The following ABCG5 variants were observed in gnomAD, a reference collection of about 807,000 sequenced individuals.
ABCG5 encodes the protein ATP binding cassette subfamily G member 5.
Under a neutral mutation model 64.5 loss-of-function variants are expected in ABCG5, and 64 were observed. The observed-to-expected ratio is 0.99, with a 90% confidence interval of 0.81 to 1.22. ABCG5 has a LOEUF of 1.22. Ranked by LOEUF, ABCG5 falls within the 50% of genes most tolerant of loss-of-function variation. ABCG5 has a pLI of 0.00. For synonymous variants in ABCG5, 385 were observed against 326.3 expected, an observed-to-expected ratio of 1.18 and a Z score of -1.94; for missense variants, 908 against 829.5, an observed-to-expected ratio of 1.09 and a Z score of -1.16.
chr2:43,824,721 T>A (rs532127681), intron 7 of ABCG5, 168 bp downstream of exon 7: 3 of 924,172 alleles, frequency 3.2e-6, no homozygotes, highest in South Asian at 5.0e-5. Context: ...ATTCTGATAG[T>A]CATCTCTGGC....
rs188503993 is a variant in ABCG5, at chr2:43,830,152, A to G, written c.501+1617T>C. ...CCTGGCTTGGAAGAGATGGACAGAG[A>G]AGACATTTACTTAATTTGTCTCAGA... On this transcript the variant is annotated intron_variant, in intron 4 of 12. Coordinates refer to ENST00000405322, the MANE Select transcript of ABCG5 (RefSeq NM_022436.3). Among the ~76,000 whole-genome samples, 484 of 152,226 alleles carry G rather than the reference A, an allele frequency of 3.2e-3. 7 individuals are homozygous for G. Among genetic ancestry groups the G allele is most frequent in the Non-Finnish European group, 7.5e-4 (51 of 68,014 alleles).
chr2:43,832,459 G>C, intron 2 of ABCG5: 1 of 323,598 alleles, frequency 3.1e-6, no homozygotes, highest in Non-Finnish European at 5.9e-6. Flanking sequence ...GGAAACGTTT[G>C]GATCCTAGGA....
intron 10 of ABCG5, among the ~76,000 whole-genome samples, chr2:43,821,111 G>A (rs555458325): frequency 3.9e-5 from 6 of 152,202 alleles, no homozygotes; most frequent in Admixed American, 2.6e-4. Flanking sequence ...AAAAAATGTT[G>A]GCATGTCTTA....
Position 43,826,429 on chromosome 2 carries a change from G to C in ABCG5, c.727C>G (p.Arg243Gly). The C allele has an allele frequency of 6.2e-7, 1 of 1,614,044 alleles. No individual in the cohort carries two copies. The highest frequency in any genetic ancestry group is 2.2e-5 in the East Asian group (1 of 44,870). ...TGGTGAATGGTGAGAACCACAATTC[G>C]GTTCCTGCGAGCCAGTTCCACCAGG... ...VLLVELARRNRIVVLTIHQPR... is the reference protein window; with the variant it reads ...VLLVELARRNGIVVLTIHQPR... The change falls in exon 6 of 13, where the codon CGA becomes GGA. Residue 243 changes from arginine to glycine, a missense_variant. Coordinates refer to ENST00000405322, the MANE Select transcript of ABCG5 (RefSeq NM_022436.3).
At chr2:43,837,745 T>G in intron 2 of ABCG5, 89 bp downstream of exon 2, 1 of 1,564,392 alleles carries the variant, frequency 6.4e-7, no homozygotes. Flanking sequence ...ATCAAACCTG[T>G]GGCTTTCTTG....
chr2:43,820,396 T>C (rs1363887926), intron 10 of ABCG5, among the ~76,000 whole-genome samples: 1 of 152,220 alleles, frequency 6.6e-6, no homozygotes, highest in Non-Finnish European at 1.5e-5. Flanking sequence ...CTAACCGCAG[T>C]AAGCAGGCTT....
downstream of ABCG5, chr2:43,809,584 T>C: frequency 2.9e-6 from 2 of 695,848 alleles, no homozygotes; most frequent in Non-Finnish European, 5.0e-6. Flanking sequence ...AAGAAATATT[T>C]AGAATGATAA....
At chr2:43,809,008 T>A (rs1247460837), downstream of ABCG5, among the ~76,000 whole-genome samples, 1 of 150,502 alleles carries the variant, frequency 6.6e-6, no homozygotes, top group Non-Finnish European at 1.5e-5. Flanking sequence ...CACTTTTTTG[T>A]GACAGGATCT....
At chr2:43,838,885 C>T, upstream of ABCG5, 1 of 1,181,274 alleles carries the variant, frequency 8.5e-7, no homozygotes, top group South Asian at 1.4e-5. The surrounding 1 kb of genome is among the most constrained non-coding windows in gnomAD (Gnocchi z 4.2). Flanking sequence ...GTGGGCAGAA[C>T]ACACACGTTT....
At position 43,823,958 on chromosome 2, in the gene ABCG5, C is replaced by G; in HGVS notation, c.1279G>C (p.Val427Leu). 1.1e-5 allele frequency: 17 copies of G among 1,614,206 alleles called. No homozygotes were observed. The highest frequency in any genetic ancestry group is 1.4e-5 in the Non-Finnish European group (17 of 1,180,046). The change falls in exon 9 of 13, where the codon GTG becomes CTG. Residue 427 changes from valine (V) to leucine (L), a missense_variant. Val to Leu is a conservative substitution (Grantham distance 32). Coordinates refer to ENST00000405322, the MANE Select transcript of ABCG5 (RefSeq NM_022436.3). ...QDRVGLLYQF[V>L]GATPYTGMLN... The stretch of plus-strand genomic sequence containing the variant: ...ATGCCTGTGTACGGGGTGGCGCCCA[C>G]AAACTGGTAAAGGAGACCTACGCGG...
In ABCG5 at chr2:43,837,839, C is replaced by T. The variant is rs1471323186; in HGVS notation, c.260G>A (p.Ser87Asn). 1 of 1,613,870 alleles carries T rather than the reference C, an allele frequency of 6.2e-7. No homozygotes were observed. Among genetic ancestry groups the T allele is most frequent in the Non-Finnish European group, 8.5e-7 (1 of 1,179,862 alleles). The part of the protein sequence containing the change: ...ESGQIMCILG[S>N]SGSGKTTLLD... ...ATCCTCCTTCCCAAGCTTACCTGAG[C>T]TTCCTAGGATGCACATGATCTGCCC... Residue 87 changes from serine to asparagine, a missense_variant, in exon 2 of 13, where the codon AGC becomes AAC. Physicochemically the swap from Ser to Asn is conservative, Grantham distance 46. Transcript: ENST00000405322.
At chr2:43,822,468 C>CCAA in intron 10 of ABCG5, 1 of 819,746 alleles carries the variant, frequency 1.2e-6, no homozygotes, top group Non-Finnish European at 1.4e-6. Flanking sequence ...TGCTTTCTCC[C>CCAA]CTCCCCCAGG....
At chr2:43,808,270 A>G (rs1428885496), downstream of ABCG5, among the ~76,000 whole-genome samples, 1 of 151,824 alleles carries the variant, frequency 6.6e-6, no homozygotes, top group Non-Finnish European at 1.5e-5. Context: ...AAAGGAAAAA[A>G]AAAAACACAC....
chr2:43,827,469 C>A (rs1299875677), intron 5 of ABCG5, among the ~76,000 whole-genome samples: 2 of 152,206 alleles, frequency 1.3e-5, no homozygotes, highest in East Asian at 3.8e-4. Context: ...TCCTCTCCAG[C>A]TGCATGAGTG....
At chr2:43,815,910 GAAAAA>G (rs4148200) in intron 11 of ABCG5, among the ~76,000 whole-genome samples, 1 of 104,062 alleles carries the variant, frequency 9.6e-6, no homozygotes, top group Non-Finnish European at 2.1e-5. Context: ...AACAGGAAAA[GAAAAA>G]AAAAAAAAAA....
At chr2:43,833,268 GA>G (rs1329357557) in intron 2 of ABCG5, among the ~76,000 whole-genome samples, 2 of 152,064 alleles carry the variant, frequency 1.3e-5, no homozygotes, top group African/African-American at 2.4e-5. Flanking sequence ...TCATAACAGA[GA>G]AATAGGCAGG....
chr2:43,817,314 A>T (rs1302333055), intron 11 of ABCG5, among the ~76,000 whole-genome samples: 1 of 151,396 alleles, frequency 6.6e-6, no homozygotes, highest in African/African-American at 2.4e-5. Context: ...GTGAAACCTC[A>T]TCTCTACCAA....
At chr2:43,824,515 T>G (rs1030996136) in intron 7 of ABCG5, 83 bp from the exon 8 acceptor site, 60 of 1,597,674 alleles carry the variant, frequency 3.8e-5, no homozygotes, top group Non-Finnish European at 4.8e-5. Context: ...ACAGGAGTAC[T>G]GGCCATAATA....
intron 5 of ABCG5, among the ~76,000 whole-genome samples, chr2:43,827,172 A>C (rs1667663413): frequency 1.3e-5 from 2 of 152,098 alleles, no homozygotes; most frequent in South Asian, 4.2e-4. Context: ...TAAAAGAACA[A>C]AAATTAGCCG....
Sources: allele counts gnomAD v4.1 joint callset (sites outside exome capture counted in the v4.1 genomes callset), GRCh38; gene constraint gnomAD v4.1.1; non-coding constraint Gnocchi (gnomAD v3.1); transcripts MANE v1.5; gene names NCBI Gene and HGNC (gene_info 2026-07-23, HGNC 2026-07-21).